LARS1: variants seen among roughly 807,000 people sequenced by gnomAD.
LARS1 encodes the protein leucyl-tRNA synthetase 1, also known as leucine--tRNA ligase, cytoplasmic.
LARS1 carries 100 observed loss-of-function variants against 162.8 expected under a neutral mutation model. That is an observed-to-expected ratio of 0.61 (90% CI 0.52 to 0.73). LARS1 has a LOEUF of 0.73. Among genes scored for constraint, LARS1 ranks in the 30% least tolerant of loss-of-function variants. The pLI is 0.00. For missense variants in LARS1, 1,258 were observed against 1,408.9 expected (o/e 0.89, Z 1.71); for synonymous variants, 457 against 462.8 (o/e 0.99, Z 0.16).
chr5:146,126,018 A>C (rs112353510), intron 28 of LARS1, among the ~76,000 whole-genome samples: 5 of 152,122 alleles, frequency 3.3e-5, no homozygotes, highest in African/African-American at 9.6e-5. Flanking sequence ...CCAAAATACC[A>C]ACAGAGCTAT....
At chr5:146,120,194 G>A (rs1040151058) in intron 31 of LARS1, 177 bp downstream of exon 31, 1 of 639,864 alleles carries the variant, frequency 1.6e-6, no homozygotes, top group Non-Finnish European at 2.6e-6. Flanking sequence ...AAGCCACTAA[G>A]CTACCTAGCC....
chr5:146,172,409 G>A (rs1287723281), intron 3 of LARS1, among the ~76,000 whole-genome samples: 2 of 151,838 alleles, frequency 1.3e-5, no homozygotes, highest in Admixed American at 6.6e-5. Flanking sequence ...CCAGCTACTC[G>A]GGAGGCTGAG....
At position 146,171,904 on chromosome 5, in the gene LARS1, T is replaced by C. The variant is rs1390438573; in HGVS notation, c.294+6A>G. 6.2e-7 allele frequency: 1 copy of C among 1,604,854 alleles called. No individual in the cohort carries two copies. On this transcript the variant is annotated splice_donor_region_variant and intron_variant, in intron 4 of 31. Coordinates refer to ENST00000394434, the MANE Select transcript of LARS1 (RefSeq NM_020117.11). ...GAGTAGAAACCAATCCTATTAGCGA[T>C]CTTACCTTAATAGGCATTCCAGTAC...
At position 146,157,484 on chromosome 5, in the gene LARS1, T is replaced by C. The variant is rs1352257693; in HGVS notation, c.984A>G (p.Gln328=). The C allele has an allele frequency of 5.6e-6, 9 of 1,614,202 alleles. No homozygotes were observed. The highest frequency in any genetic ancestry group is 2.7e-5 in the African/African-American group (2 of 75,072). ...GGTATGACATATTCCTGGCTGCTTT[T>C]TGGGTACAGATGAATATATCACCAT... ...TVNGDIFICT[Q]KAARNMSYQG... The change falls in exon 10 of 32, where the codon CAA becomes CAG. Residue 328 remains glutamine, a synonymous_variant. Transcript: ENST00000394434.
At chr5:146,147,667 C>T (rs1753074842) in intron 15 of LARS1, among the ~76,000 whole-genome samples, 1 of 151,794 alleles carries the variant, frequency 6.6e-6, no homozygotes, top group Non-Finnish European at 1.5e-5. Context: ...ACAAAGAGGA[C>T]CAACAGGACT....
In LARS1 at chr5:146,168,222, C is replaced by A; in HGVS notation, c.338G>T (p.Cys113Phe). 6.2e-7 allele frequency: 1 copy of A among 1,613,474 alleles called. No homozygotes were observed. The highest frequency in any genetic ancestry group is 8.5e-7 in the Non-Finnish European group (1 of 1,179,630). ...TTCTTCATCTGGAAAATCAGGGGGG[C>A]AACCATACAGCTCTATTTCTCTTTT... The part of the protein sequence containing the change: ...KLKREIELYG[C>F]PPDFPDEEEE... The change falls in exon 5 of 32, where the codon TGC becomes TTC. Residue 113 changes from cysteine to phenylalanine, a missense_variant. Physicochemically the swap from Cys to Phe is radical, Grantham distance 205. Transcript: ENST00000394434.
chr5:146,157,669 C>G, intron 9 of LARS1, 41 bp from the exon 10 acceptor site: 2 of 1,612,540 alleles, frequency 1.2e-6, no homozygotes. Flanking sequence ...AACATGTCAA[C>G]TCTGTAACAA....
At chr5:146,168,851 A>T (rs995177146) in intron 4 of LARS1, among the ~76,000 whole-genome samples, 13 of 151,940 alleles carry the variant, frequency 8.6e-5, no homozygotes, top group African/African-American at 2.4e-4. Flanking sequence ...ATATATAAAG[A>T]TGTAGGAAAC....
At chr5:146,117,023 T>C (rs1751579239) in intron 31 of LARS1, among the ~76,000 whole-genome samples, 1 of 152,166 alleles carries the variant, frequency 6.6e-6, no homozygotes, top group South Asian at 2.1e-4. Context: ...CTTATAGGAA[T>C]AGCAATTTCA....
chr5:146,154,253 T>C (rs569263195), intron 10 of LARS1, among the ~76,000 whole-genome samples: 5 of 152,264 alleles, frequency 3.3e-5, no homozygotes, highest in South Asian at 4.1e-4. Context: ...CATAGCATTC[T>C]ACAGGCTCAA....
At chr5:146,176,977 G>A (rs1371965915) in intron 2 of LARS1, among the ~76,000 whole-genome samples, 1 of 151,896 alleles carries the variant, frequency 6.6e-6, no homozygotes, top group Non-Finnish European at 1.5e-5. Flanking sequence ...TTAAAATACT[G>A]TAGTCTTTAA....
At chr5:146,167,555 C>G (rs1202200196) in intron 5 of LARS1, among the ~76,000 whole-genome samples, 2 of 152,132 alleles carry the variant, frequency 1.3e-5, no homozygotes, top group Non-Finnish European at 2.9e-5. Context: ...AGGCGCCCAC[C>G]ACCACGCCCG....
Position 146,182,643 on chromosome 5 carries a change from T to A in LARS1, c.-150A>T, listed in dbSNP as rs1264035213. ...ACACCTGCTGAGGCAATCATCCGGC[T>A]CCTTACTAACTACAGCCAAGGCATC... On this transcript the variant is annotated 5_prime_UTR_variant, in exon 1 of 32. Coordinates refer to ENST00000394434, the MANE Select transcript of LARS1 (RefSeq NM_020117.11). The A allele has an allele frequency of 9.3e-6, 10 of 1,080,524 alleles. No homozygotes were observed. Among genetic ancestry groups the A allele is most frequent in the African/African-American group, 1.6e-5 (1 of 64,018 alleles). 66.9% of individuals were successfully genotyped at this position (1,080,524 alleles called of 1,614,324 possible). A position where few individuals can be genotyped will look rare whatever the true frequency, so the allele number is the denominator to read the frequency against.
intron 10 of LARS1, among the ~76,000 whole-genome samples, chr5:146,156,377 A>C (rs1753527253): frequency 1.3e-5 from 2 of 152,340 alleles, no homozygotes; most frequent in East Asian, 1.9e-4. Context: ...AATGGAATTA[A>C]ACACACTCAG....
At chr5:146,167,832 G>A (rs558485973) in intron 5 of LARS1, among the ~76,000 whole-genome samples, 7 of 131,984 alleles carry the variant, frequency 5.3e-5, no homozygotes, top group Admixed American at 7.9e-5. Flanking sequence ...CCCGGCCTAC[G>A]ACCGGCTTAC....
rs1405158376 is a variant in LARS1, at chr5:146,168,204, T to A, written c.356A>T (p.Asp119Val). 6.2e-7 allele frequency: 1 copy of A among 1,613,468 alleles called. No homozygotes were observed. The highest frequency in any genetic ancestry group is 1.7e-5 in the Admixed American group (1 of 60,008). The change falls in exon 5 of 32, where the codon GAT (aspartate) becomes GTT (valine). Residue 119 changes from aspartate (D) to valine (V), a missense_variant. Transcript: ENST00000394434. ...ELYGCPPDFP[D>V]EEEEEEETSV... is the part of the protein sequence containing the mutation. ...GGTTTCTTCCTCTTCCTCTTCTTCA[T>A]CTGGAAAATCAGGGGGGCAACCATA... is the stretch of plus-strand genomic sequence containing the variant.
At position 146,165,908 on chromosome 5, in the gene LARS1, C is replaced by A. The variant is rs551056248; in HGVS notation, c.433-1437G>T. 4.3e-4 allele frequency among the ~76,000 whole-genome samples: 65 copies of A among 152,074 alleles called. No homozygotes were observed. In the South Asian group the frequency reaches 0.013, roughly 31 times the overall value. Reference sequence around the variant, plus strand: ...GTTGTAGTAAGAAGTCACAAATAAGCCAAGGGAAAATGCTAGAATGAGACC... The same window carrying A: ...GTTGTAGTAAGAAGTCACAAATAAGACAAGGGAAAATGCTAGAATGAGACC... On this transcript the variant is annotated intron_variant, in intron 5 of 31. Coordinates refer to ENST00000394434, the MANE Select transcript of LARS1 (RefSeq NM_020117.11).
At chr5:146,177,503 T>C (rs772083864) in intron 2 of LARS1, 44 bp downstream of exon 2, 4 of 324,062 alleles carry the variant, frequency 1.2e-5, no homozygotes, top group Non-Finnish European at 2.3e-5. Flanking sequence ...TATATATATA[T>C]ATATAGAAAT....
At chr5:146,132,359 T>C (rs1581021085) in intron 23 of LARS1, 1 of 152,252 alleles carries the variant, frequency 6.6e-6, no homozygotes, top group Non-Finnish European at 1.5e-5. Flanking sequence ...ATTCTCCTTG[T>C]CTCTATTATT....
Sources: allele counts gnomAD v4.1 joint callset (sites outside exome capture counted in the v4.1 genomes callset), GRCh38; gene constraint gnomAD v4.1.1; transcripts MANE v1.5; gene names NCBI Gene and HGNC (gene_info 2026-07-23, HGNC 2026-07-21).